The following PPP2R3A variants were observed in gnomAD, a reference collection of about 807,000 sequenced individuals.
PPP2R3A encodes serine/threonine-protein phosphatase 2A regulatory subunit B'' subunit alpha.
PPP2R3A carries 80 observed loss-of-function variants against 106.9 expected under a neutral mutation model. The ratio of observed to expected loss-of-function variants is 0.75; its 90% CI spans 0.62 to 0.90. PPP2R3A has a LOEUF of 0.90. PPP2R3A is among the 40% of genes least tolerant of loss of function. PPP2R3A has a pLI of 0.00. For missense variants in PPP2R3A, 1,386 were observed against 1,350.4 expected, an observed-to-expected ratio of 1.03 and a Z score of -0.41; for synonymous variants, 483 against 468.3, an observed-to-expected ratio of 1.03 and a Z score of -0.41.
intron 5 of PPP2R3A, among the ~76,000 whole-genome samples, chr3:136,057,144 T>C (rs1018871274): frequency 6.6e-6 from 1 of 152,034 alleles, no homozygotes; most frequent in African/African-American, 2.4e-5. Context: ...GGCATCATGC[T>C]ACTCAAAAAA....
intron 13 of PPP2R3A, among the ~76,000 whole-genome samples, chr3:136,125,668 G>C (rs573400671): frequency 6.6e-6 from 1 of 152,252 alleles, no homozygotes; most frequent in South Asian, 2.1e-4. Flanking sequence ...GTAACATAGT[G>C]AGACCCCATC....
chr3:136,055,322 T>A (rs2107874613), intron 5 of PPP2R3A: 2 of 917,830 alleles, frequency 2.2e-6, no homozygotes, highest in East Asian at 4.8e-5. Context: ...CATCTTTACA[T>A]TGCTCAATTT....
At chr3:136,013,350 T>C (rs143623440) in intron 2 of PPP2R3A, among the ~76,000 whole-genome samples, 294 of 152,290 alleles carry the variant, frequency 1.9e-3, no homozygotes, top group South Asian at 3.9e-3. Flanking sequence ...TAATGACTTC[T>C]CTTCCTCTGG....
Position 136,003,177 on chromosome 3 carries a change from T to A in PPP2R3A, c.1679T>A (p.Val560Asp). 6.2e-7 allele frequency: 1 copy of A among 1,613,694 alleles called. No homozygotes were observed. Among genetic ancestry groups the A allele is most frequent in the Non-Finnish European group, 8.5e-7 (1 of 1,179,756 alleles). Residue 560 changes from valine (V) to aspartate (D), a missense_variant, in exon 2 of 14, where the codon GTC becomes GAC. Val to Asp is a radical substitution (Grantham distance 152). Transcript: ENST00000264977. ...TLVDLEPKSK[V>D]SSPIEKVSPS... ...GTAGATCTTGAGCCTAAATCTAAAG[T>A]CTCTTCACCCATAGAAAAAGTCTCA...
intron 2 of PPP2R3A, among the ~76,000 whole-genome samples, chr3:136,021,776 A>G (rs1934475474): frequency 6.6e-6 from 1 of 152,152 alleles, no homozygotes; most frequent in Admixed American, 6.6e-5. Context: ...GGAAAAAAGT[A>G]TGGTTGCATA....
chr3:136,130,435 A>G (rs1385407801), intron 13 of PPP2R3A, among the ~76,000 whole-genome samples: 1 of 152,216 alleles, frequency 6.6e-6, no homozygotes, highest in Non-Finnish European at 1.5e-5. Context: ...TAAAATACCT[A>G]GGAATCCCAC....
intron 13 of PPP2R3A, among the ~76,000 whole-genome samples, chr3:136,140,442 TAA>T (rs199699500): frequency 8.0e-4 from 70 of 87,216 alleles, no homozygotes; most frequent in African/African-American, 7.7e-4. Context: ...TGAGACTCTT[TAA>T]AAAAAAAAAA....
chr3:136,141,183 A>G (rs1258816708), intron 13 of PPP2R3A, among the ~76,000 whole-genome samples: 1 of 152,264 alleles, frequency 6.6e-6, no homozygotes, highest in Non-Finnish European at 1.5e-5. Context: ...CCAGTAATGG[A>G]CAAGGAGTTG....
At chr3:136,041,135 C>CA (rs1434644309) in intron 4 of PPP2R3A, among the ~76,000 whole-genome samples, 173 bp downstream of exon 4, 1 of 151,806 alleles carries the variant, frequency 6.6e-6, no homozygotes, top group Non-Finnish European at 1.5e-5. Context: ...AGTTCTTTGC[C>CA]ACAAGCCTTT....
chr3:136,113,738 T>C (rs901634261), intron 13 of PPP2R3A, among the ~76,000 whole-genome samples: 2 of 150,030 alleles, frequency 1.3e-5, no homozygotes, highest in Non-Finnish European at 3.0e-5. Flanking sequence ...AAGGTTGCAG[T>C]GAGTTGAGAT....
At chr3:136,102,835 AGAAAAT>A (rs1254317124) in intron 11 of PPP2R3A, among the ~76,000 whole-genome samples, 1 of 152,182 alleles carries the variant, frequency 6.6e-6, no homozygotes, top group Non-Finnish European at 1.5e-5. Context: ...TTTTTTAAAA[AGAAAAT>A]GAAAGCGGGG....
intron 1 of PPP2R3A, among the ~76,000 whole-genome samples, chr3:135,967,802 G>T (rs1336094959): frequency 2.0e-5 from 3 of 152,100 alleles, no homozygotes; most frequent in African/African-American, 7.2e-5. Flanking sequence ...GAGTGTTATC[G>T]TCCTCTGAGT....
At chr3:136,062,847 A>G (rs1449614080) in intron 5 of PPP2R3A, among the ~76,000 whole-genome samples, 2 of 152,182 alleles carry the variant, frequency 1.3e-5, no homozygotes, top group Non-Finnish European at 2.9e-5. Context: ...CATATTGCCC[A>G]TGGTAATTTA....
At position 136,002,629 on chromosome 3, in the gene PPP2R3A, A is replaced by G. The variant is rs150362692; in HGVS notation, c.1131A>G (p.Leu377=). The G allele has an allele frequency of 1.7e-4, 275 of 1,613,940 alleles. No homozygotes were observed. The highest frequency in any genetic ancestry group is 4.5e-4 in the African/African-American group (34 of 75,048). ...TTCCAAACAACTCCACAAATTCCTT[A>G]TATAACTTAGAGGTAAATGATCCTA... ...QSIPNNSTNS[L]YNLEVNDPRT... is the part of the protein sequence containing the mutation. The change falls in exon 2 of 14, where the codon TTA becomes TTG. Residue 377 remains leucine (L), a synonymous_variant. Transcript: ENST00000264977.
chr3:135,998,157 A>G (rs1447924267), intron 1 of PPP2R3A, among the ~76,000 whole-genome samples: 2 of 152,222 alleles, frequency 1.3e-5, no homozygotes, highest in Non-Finnish European at 2.9e-5. Context: ...GTACTTCGGC[A>G]TTCACTGTGC....
At chr3:136,068,873 T>G (rs1209487237) in intron 5 of PPP2R3A, among the ~76,000 whole-genome samples, 1 of 152,200 alleles carries the variant, frequency 6.6e-6, no homozygotes, top group Non-Finnish European at 1.5e-5. Context: ...GTATTACGTA[T>G]GCCCAGTGAT....
intron 1 of PPP2R3A, among the ~76,000 whole-genome samples, chr3:135,986,551 A>G (rs1932927881): frequency 1.3e-5 from 2 of 151,880 alleles, no homozygotes; most frequent in East Asian, 1.9e-4. Context: ...TTCATCTCCT[A>G]TTTGATGACT....
intron 13 of PPP2R3A, among the ~76,000 whole-genome samples, chr3:136,120,540 A>G (rs571116190): frequency 5.1e-4 from 77 of 152,244 alleles, no homozygotes; most frequent in Middle Eastern, 3.4e-3. Context: ...GTGAGCCGAT[A>G]CCGTGCCACT....
At position 135,983,399 on chromosome 3, in the gene PPP2R3A, A is replaced by G. The variant is rs192538013; in HGVS notation, c.-441+17550A>G. Among the ~76,000 whole-genome samples, 65 of 152,330 alleles carry G rather than the reference A, an allele frequency of 4.3e-4. 1 individual carries two copies. Among genetic ancestry groups the G allele is most frequent in the African/African-American group, 1.5e-3 (63 of 41,580 alleles). The stretch of plus-strand genomic sequence containing the variant: ...TGCGTCTGCTTCCCTGATTCATCAC[A>G]CTGCCACCTGAATCCCATCATCCCC... On this transcript the variant is annotated intron_variant, in intron 1 of 13. Coordinates refer to ENST00000264977, the MANE Select transcript of PPP2R3A (RefSeq NM_002718.5).
Sources: gnomAD v4.1 joint callset for allele counts (sites outside exome capture counted in the v4.1 genomes callset) on GRCh38, gnomAD v4.1.1 for gene constraint, MANE v1.5 for transcripts, NCBI Gene and HGNC (gene_info 2026-07-23, HGNC 2026-07-21) for gene names.